Variants in PPP1R9A observed in about 807,000 individuals in gnomAD.
The protein encoded by PPP1R9A is neurabin-1.
PPP1R9A carries 59 observed loss-of-function variants against 141.9 expected under a neutral mutation model. The ratio of observed to expected loss-of-function variants is 0.42; its 90% CI spans 0.34 to 0.52. PPP1R9A has a LOEUF of 0.52. Among genes scored for constraint, PPP1R9A ranks in the 20% least tolerant of loss-of-function variants. PPP1R9A has a pLI of 0.10. For synonymous variants in PPP1R9A, 500 were observed against 569.7 expected, an observed-to-expected ratio of 0.88 and a Z score of 1.74; for missense variants, 1,444 against 1,611.9, an observed-to-expected ratio of 0.90 and a Z score of 1.78.
chr7:95,067,703 AT>A (rs11303288), intron 2 of PPP1R9A, among the ~76,000 whole-genome samples: 74,228 of 150,752 alleles, frequency 0.49, 19,043 homozygotes, highest in African/African-American at 0.61. Context: ...ATGGCAAAGT[AT>A]TTTTTTTTTC....
chr7:95,098,410 A>G (rs1818326463), intron 2 of PPP1R9A: 1 of 152,180 alleles, frequency 6.6e-6, no homozygotes, highest in Non-Finnish European at 1.5e-5. Context: ...TAAAAAAAAA[A>G]AAGACCATCA....
rs1234168971 is a variant in PPP1R9A at position 95,041,095 on chromosome 7, A to G, written c.1396-70164A>G. Reference sequence around the variant, plus strand: ...TGTTTTGCAGAGTACAGTTTGGGAAATGCTGGGATTGAAGGAAGAACGTGA... The same window carrying G: ...TGTTTTGCAGAGTACAGTTTGGGAAGTGCTGGGATTGAAGGAAGAACGTGA... On this transcript the variant is annotated intron_variant, in intron 2 of 19. Transcript: ENST00000433360. Among the ~76,000 whole-genome samples, 6 of 152,318 alleles carry G rather than the reference A, an allele frequency of 3.9e-5. No homozygotes were observed. In the South Asian group the frequency reaches 1.2e-3, roughly 32 times the overall value.
intron 2 of PPP1R9A, among the ~76,000 whole-genome samples, chr7:95,095,100 T>C (rs1441602413): frequency 6.6e-6 from 1 of 152,090 alleles, no homozygotes; most frequent in Non-Finnish European, 1.5e-5. Context: ...TCTGAGGTGC[T>C]ATCAAGTCAC....
chr7:95,146,528 T>C (rs958768073), intron 4 of PPP1R9A, among the ~76,000 whole-genome samples: 2 of 152,350 alleles, frequency 1.3e-5, no homozygotes, highest in Admixed American at 6.5e-5. Flanking sequence ...ATTTTGGCTT[T>C]TGTTGCCATT....
chr7:94,983,118 T>A (rs981200944), intron 2 of PPP1R9A, among the ~76,000 whole-genome samples: 16 of 152,316 alleles, frequency 1.1e-4, no homozygotes, highest in Middle Eastern at 3.4e-3. Context: ...TTTGTCAAAT[T>A]TGTCAAAGAT....
At chr7:95,141,845 A>G (rs1349709870) in intron 4 of PPP1R9A, among the ~76,000 whole-genome samples, 2 of 151,922 alleles carry the variant, frequency 1.3e-5, no homozygotes, top group African/African-American at 4.8e-5. Context: ...CATTCATGTG[A>G]TAGTTTTTGT....
At chr7:95,018,664 T>G (rs7800432) in intron 2 of PPP1R9A, 145,806 of 152,300 alleles carry the variant, frequency 0.96, 69,840 homozygotes, top group East Asian at 1. Flanking sequence ...TAAGAGTGAG[T>G]GTTTGCTAAG....
intron 5 of PPP1R9A, among the ~76,000 whole-genome samples, chr7:95,182,643 G>A (rs933855113): frequency 6.6e-6 from 1 of 152,064 alleles, no homozygotes. Flanking sequence ...GGGCAGTGAG[G>A]GAATCTTCAT....
intron 8 of PPP1R9A, among the ~76,000 whole-genome samples, chr7:95,232,852 T>G (rs1262183196): frequency 6.6e-6 from 1 of 152,064 alleles, no homozygotes; most frequent in Non-Finnish European, 1.5e-5. Context: ...TGACAATCAT[T>G]AAAAAGTCAG....
At chr7:95,183,145 C>CTT (rs111837644) in intron 5 of PPP1R9A, among the ~76,000 whole-genome samples, 3 of 147,536 alleles carry the variant, frequency 2.0e-5, no homozygotes, top group African/African-American at 7.4e-5. Flanking sequence ...AATACTCTTT[C>CTT]TTTTTTTTTT....
intron 4 of PPP1R9A, among the ~76,000 whole-genome samples, chr7:95,158,248 G>A (rs534845853): frequency 6.6e-6 from 1 of 152,018 alleles, no homozygotes; most frequent in South Asian, 2.1e-4. Context: ...TTGGCCAGTT[G>A]TTTATACATT....
intron 8 of PPP1R9A, among the ~76,000 whole-genome samples, chr7:95,241,306 G>C (rs577274622): frequency 6.6e-5 from 10 of 152,246 alleles, no homozygotes; most frequent in East Asian, 3.9e-4. Flanking sequence ...GGAAGTTAGA[G>C]AGCCCAGTTT....
At chr7:95,287,074 T>C (rs755424328) in intron 18 of PPP1R9A, 1 of 1,594,960 alleles carries the variant, frequency 6.3e-7, no homozygotes, top group Non-Finnish European at 8.6e-7. Flanking sequence ...TCTGTAACAC[T>C]TTTCTTCTTG....
In PPP1R9A at chr7:95,097,989, C is replaced by T. The variant is rs76989910; in HGVS notation, c.1396-13270C>T. 9.2e-5 allele frequency among the ~76,000 whole-genome samples: 14 copies of T among 152,332 alleles called. No individual in the cohort carries two copies. The East Asian group carries it at 2.7e-3, about 29-fold the overall frequency. ...AAGCCTCAAGCATAAGTTGAAGCTG[C>T]TGTCACAGGCAGAATTTCTTTTATC... On this transcript the variant is annotated intron_variant, in intron 2 of 19. Coordinates refer to ENST00000433360, the MANE Select transcript of PPP1R9A (RefSeq NM_001166160.2).
chr7:95,161,497 CA>C (rs1222498095), intron 4 of PPP1R9A, among the ~76,000 whole-genome samples: 5 of 152,142 alleles, frequency 3.3e-5, no homozygotes, highest in African/African-American at 1.2e-4. Context: ...AAGTCTCTTA[CA>C]GTATAGTATA....
intron 4 of PPP1R9A, among the ~76,000 whole-genome samples, chr7:95,123,375 G>A (rs561955540): frequency 2.0e-5 from 3 of 152,258 alleles, no homozygotes; most frequent in South Asian, 2.1e-4. Context: ...TGGGCCAGGC[G>A]AGGTGGCTTA....
intron 4 of PPP1R9A, chr7:95,155,853 CA>C (rs1402664218): frequency 6.6e-6 from 1 of 152,080 alleles, no homozygotes; most frequent in Non-Finnish European, 1.5e-5. Context: ...TTTTACATGA[CA>C]ATAAAGCATT....
chr7:95,008,875 A>C (rs1193198309), intron 2 of PPP1R9A, among the ~76,000 whole-genome samples: 5 of 152,154 alleles, frequency 3.3e-5, no homozygotes. Flanking sequence ...GGCACTATTC[A>C]CAATAGCAGA....
At chr7:94,916,875 C>G (rs767050997) in intron 2 of PPP1R9A, among the ~76,000 whole-genome samples, 14 of 151,960 alleles carry the variant, frequency 9.2e-5, no homozygotes, top group Non-Finnish European at 2.1e-4. Context: ...AGTGCAGTGG[C>G]ACGATCTCAG....
Sources: gnomAD v4.1 joint callset for allele counts (sites outside exome capture counted in the v4.1 genomes callset) on GRCh38, gnomAD v4.1.1 for gene constraint, MANE v1.5 for transcripts, NCBI Gene and HGNC (gene_info 2026-07-23, HGNC 2026-07-21) for gene names.